Variants in SLC9A9 observed in about 807,000 individuals in gnomAD.
The protein encoded by SLC9A9 is sodium/hydrogen exchanger 9.
In SLC9A9, 62 loss-of-function variants were observed where a neutral mutation model predicts 77.8. The observed-to-expected ratio is 0.80, with a 90% CI of 0.65 to 0.98. SLC9A9 has a LOEUF of 0.98. SLC9A9 is among the 50% of genes least tolerant of loss of function. The pLI, the probability that SLC9A9 is intolerant of heterozygous loss-of-function variation, is 0.00. For synonymous variants in SLC9A9, 320 were observed against 283.5 expected (o/e 1.13, Z -1.29); for missense variants, 775 against 774.9 (o/e 1.00, Z 0.00).
In SLC9A9 at chr3:143,631,567, C is replaced by A. The variant is rs983484816; in HGVS notation, c.755+20688G>T. The stretch of plus-strand genomic sequence containing the variant: ...TTTCGTTCCTTGATAGAGACATGAG[C>A]ACAAAATATATTGCCTTTCCTCTTA... On this transcript the variant is annotated intron_variant, in intron 6 of 15. Coordinates refer to ENST00000316549, the MANE Select transcript of SLC9A9 (RefSeq NM_173653.4). 2.0e-5 allele frequency among the ~76,000 whole-genome samples: 3 copies of A among 152,164 alleles called. No individual in the cohort carries two copies. The South Asian group carries it at 6.2e-4, about 32-fold the overall frequency.
intron 14 of SLC9A9, among the ~76,000 whole-genome samples, chr3:143,314,838 T>C (rs527408373): frequency 2.1e-4 from 32 of 152,278 alleles, no homozygotes; most frequent in African/African-American, 7.7e-4. Flanking sequence ...TGGCTCTGCT[T>C]TGGGGCAAGA....
intron 9 of SLC9A9, among the ~76,000 whole-genome samples, chr3:143,539,002 C>G (rs1013550989): frequency 6.6e-6 from 1 of 152,140 alleles, no homozygotes; most frequent in African/African-American, 2.4e-5. Flanking sequence ...AAGCAAGGCA[C>G]AGCACAAACA....
intron 1 of SLC9A9, among the ~76,000 whole-genome samples, chr3:143,844,296 C>A (rs376649953): frequency 1.4e-3 from 206 of 152,078 alleles, no homozygotes; most frequent in African/African-American, 4.9e-3. Context: ...GTTTTCTAAG[C>A]CCCTGTTCTC....
intron 10 of SLC9A9, among the ~76,000 whole-genome samples, chr3:143,494,691 C>T (rs1186262609): frequency 6.6e-6 from 1 of 152,196 alleles, no homozygotes; most frequent in African/African-American, 2.4e-5. Flanking sequence ...AGATAGATAT[C>T]CATTCCCACT....
intron 6 of SLC9A9, 65 bp downstream of exon 6, chr3:143,652,190 A>G (rs1225185747): frequency 3.8e-6 from 5 of 1,300,254 alleles, no homozygotes; most frequent in Non-Finnish European, 4.4e-6. Flanking sequence ...GACATAAGAG[A>G]AAAGATACAA....
At chr3:143,493,545 AAAG>A in intron 11 of SLC9A9, 105 bp downstream of exon 11, 1 of 916,156 alleles carries the variant, frequency 1.1e-6, no homozygotes, top group East Asian at 2.5e-5. Flanking sequence ...ACAATGGGAT[AAAG>A]AGAAGTTGTT....
intron 4 of SLC9A9, among the ~76,000 whole-genome samples, chr3:143,758,129 T>C (rs183326962): frequency 4.4e-4 from 67 of 152,304 alleles, no homozygotes; most frequent in African/African-American, 1.5e-3. Flanking sequence ...ATGACTATCA[T>C]TTATAACACT....
At chr3:143,761,889 C>A (rs1367427035) in intron 4 of SLC9A9, among the ~76,000 whole-genome samples, 1 of 152,178 alleles carries the variant, frequency 6.6e-6, no homozygotes, top group Admixed American at 6.5e-5. Context: ...GACACATGCA[C>A]ACGTATGTTT....
At chr3:143,489,840 A>G (rs1476875364) in intron 11 of SLC9A9, among the ~76,000 whole-genome samples, 1 of 152,102 alleles carries the variant, frequency 6.6e-6, no homozygotes, top group Non-Finnish European at 1.5e-5. Context: ...AAAAGATCCC[A>G]TTTAAAAAAT....
At chr3:143,287,647 G>T (rs541488160) in intron 14 of SLC9A9, among the ~76,000 whole-genome samples, 3 of 152,296 alleles carry the variant, frequency 2.0e-5, no homozygotes, top group Non-Finnish European at 2.9e-5. Context: ...AATTCCCAGT[G>T]CTGCTATTCA....
At chr3:143,730,212 G>A (rs61455926) in intron 4 of SLC9A9, among the ~76,000 whole-genome samples, 3,349 of 152,254 alleles carry the variant, frequency 0.022, 125 homozygotes, top group African/African-American at 0.076. Context: ...CTTTGAAAGC[G>A]TGGTATTTTG....
chr3:143,790,142 G>A lies in SLC9A9; in HGVS notation c.533+4859C>T, dbSNP rs548838224. On this transcript the variant is annotated intron_variant, in intron 4 of 15. Transcript: ENST00000316549. ...TTTATAAGGGGCTCTTCCCTGCTTC[G>A]CTCTCATTCTCTCTCTTGCCGCCTT... Among the ~76,000 whole-genome samples the A allele has an allele frequency of 1.2e-4, 19 of 152,168 alleles. 1 individual carries two copies. The South Asian group carries it at 2.1e-3, about 17-fold the overall frequency.
chr3:143,444,451 T>C (rs1176455120), intron 12 of SLC9A9, among the ~76,000 whole-genome samples: 1 of 152,202 alleles, frequency 6.6e-6, no homozygotes, highest in Non-Finnish European at 1.5e-5. Flanking sequence ...GGAACAAATG[T>C]GGTTCATGGA....
intron 8 of SLC9A9, among the ~76,000 whole-genome samples, chr3:143,570,591 G>A (rs1347056742): frequency 6.6e-6 from 1 of 152,064 alleles, no homozygotes; most frequent in Non-Finnish European, 1.5e-5. Flanking sequence ...TCAAAAGGTT[G>A]TTACAATAAA....
chr3:143,493,736 T>C lies in SLC9A9; in HGVS notation c.1232A>G (p.Asn411Ser), dbSNP rs112109858. The C allele has an allele frequency of 5.0e-6, 8 of 1,614,110 alleles. No homozygotes were observed. Among genetic ancestry groups the C allele is most frequent in the Non-Finnish European group, 6.8e-6 (8 of 1,179,968 alleles). The change falls in exon 11 of 16, where the codon AAC (asparagine) becomes AGC (serine). Residue 411 changes from asparagine (N) to serine (S), a missense_variant. Physicochemically the swap from Asn to Ser is conservative, Grantham distance 46. Coordinates refer to ENST00000316549, the MANE Select transcript of SLC9A9 (RefSeq NM_173653.4). ...FLAIFVARAC[N>S]IYPLSFLLNL... is the part of the protein sequence containing the mutation. ...CAGGAGGAAGGAGAGGGGATATATG[T>C]TGCAGGCTCTGGCAACAAAAATTGC...
intron 4 of SLC9A9, among the ~76,000 whole-genome samples, chr3:143,715,846 T>C (rs116279149): frequency 0.034 from 5,234 of 152,276 alleles, 292 homozygotes; most frequent in African/African-American, 0.12. Context: ...GGAGGTATGA[T>C]AGCAAAACAC....
intron 4 of SLC9A9, among the ~76,000 whole-genome samples, chr3:143,739,304 C>T (rs1935024136): frequency 6.6e-6 from 1 of 152,070 alleles, no homozygotes; most frequent in African/African-American, 2.4e-5. Context: ...GCAGAAAATG[C>T]CAAGGGTTTT....
intron 13 of SLC9A9, 56 bp from the exon 14 acceptor site, chr3:143,363,619 T>C: frequency 6.8e-7 from 1 of 1,470,226 alleles, no homozygotes; most frequent in Non-Finnish European, 9.5e-7. Flanking sequence ...GATTTTAATA[T>C]AAAAATACAT....
intron 5 of SLC9A9, among the ~76,000 whole-genome samples, chr3:143,684,135 G>A (rs1470021783): frequency 1.3e-5 from 2 of 151,964 alleles, no homozygotes; most frequent in African/African-American, 2.4e-5. Flanking sequence ...CCCACACCAC[G>A]AACAGTGTTC....
Sources: gnomAD v4.1 joint callset for allele counts (sites outside exome capture counted in the v4.1 genomes callset) on GRCh38, gnomAD v4.1.1 for gene constraint, MANE v1.5 for transcripts, NCBI Gene and HGNC (gene_info 2026-07-23, HGNC 2026-07-21) for gene names.